Variants in CP observed in about 807,000 individuals in gnomAD.
CP encodes ceruloplasmin, also known as caeruloplasmin.
A neutral mutation model predicts 122.4 loss-of-function variants in CP; 64 were observed. The observed-to-expected ratio is 0.52, with a 90% CI of 0.43 to 0.64. CP has a LOEUF of 0.64. CP is among the 30% of genes least tolerant of loss of function. CP has a pLI of 0.00. For synonymous variants in CP, 440 were observed against 436.4 expected (o/e 1.01, Z -0.10); for missense variants, 1,167 against 1,284.4 (o/e 0.91, Z 1.40).
intron 17 of CP, among the ~76,000 whole-genome samples, chr3:149,177,583 ATCATT>A (rs1725500786): frequency 6.6e-6 from 1 of 152,196 alleles, no homozygotes; most frequent in Non-Finnish European, 1.5e-5. Context: ...GTGCCTACAT[ATCATT>A]TCATTTGCAT....
chr3:149,177,704 G>T, intron 17 of CP, 136 bp downstream of exon 17: 1 of 905,078 alleles, frequency 1.1e-6, no homozygotes, highest in African/African-American at 1.6e-5. Flanking sequence ...ATCCTGGGTG[G>T]GGAATCCACG....
intron 5 of CP, among the ~76,000 whole-genome samples, chr3:149,164,697 G>A (rs555745669): frequency 2.1e-4 from 32 of 152,184 alleles, no homozygotes; most frequent in East Asian, 7.7e-4. Context: ...TAGCAGCTCC[G>A]TTAACCCAAG....
chr3:149,214,176 A>G (rs1728300413), intron 1 of CP, among the ~76,000 whole-genome samples: 2 of 152,156 alleles, frequency 1.3e-5, no homozygotes, highest in Non-Finnish European at 2.9e-5. Context: ...ACCATGAGAC[A>G]GAAAGGTAGA....
chr3:149,193,606 T>C (rs189914083), intron 9 of CP, among the ~76,000 whole-genome samples: 8 of 152,322 alleles, frequency 5.3e-5, no homozygotes, highest in Middle Eastern at 3.4e-3. Flanking sequence ...TAAAATGATA[T>C]TTTTTTAAAA....
At position 149,217,875 on chromosome 3, in the gene CP, G is replaced by C. The variant is rs748593989; in HGVS notation, c.146+3772C>G. On this transcript the variant is annotated intron_variant, in intron 1 of 18. Coordinates refer to ENST00000264613, the MANE Select transcript of CP (RefSeq NM_000096.4). ...TAGTAATTATGATTACCGTAAGGTG[G>C]AATGTTCTTTGTTGTCTAGTTTTTT... is the stretch of plus-strand genomic sequence containing the variant. 4.5e-6 allele frequency: 2 copies of C among 449,192 alleles called. 1 individual carries two copies. The highest frequency in any genetic ancestry group is 3.2e-5 in the South Asian group (2 of 61,550). The allele number at this position is 449,192 out of a possible 1,614,324, so 27.8% of individuals were successfully genotyped here.
In CP at chr3:149,181,976, ACCACCCCCAC is replaced by A; in HGVS notation, c.2554+19_2554+28del. 3.6e-6 allele frequency: 2 copies of A among 561,808 alleles called. No homozygotes were observed. The highest frequency in any genetic ancestry group is 6.7e-6 in the Non-Finnish European group (2 of 299,008). 34.8% of individuals were successfully genotyped at this position (561,808 alleles called of 1,614,324 possible). A position where few individuals can be genotyped will look rare whatever the true frequency, so the allele number is the denominator to read the frequency against. On this transcript the variant is annotated intron_variant, in intron 14 of 18. Transcript: ENST00000264613. ...AAGGCTGTACAGCCTGTTAAAATGC[ACCACCCCCAC>A]CCCCGCCCCCGTGAGTACCTGGTAA...
chr3:149,169,045 G>C (rs1269665641), downstream of CP, among the ~76,000 whole-genome samples: 1 of 152,012 alleles, frequency 6.6e-6, no homozygotes, highest in East Asian at 1.9e-4. Flanking sequence ...ATACGTGTGT[G>C]TGTGTGTGTG....
At chr3:149,221,073 A>C (rs1728777659) in intron 1 of CP, among the ~76,000 whole-genome samples, 1 of 152,190 alleles carries the variant, frequency 6.6e-6, no homozygotes, top group South Asian at 2.1e-4. Context: ...CAAGCATTGT[A>C]CTAAGAGCTT....
intron 6 of CP, among the ~76,000 whole-genome samples, chr3:149,205,960 T>G (rs1424500416): frequency 6.6e-6 from 1 of 152,218 alleles, no homozygotes; most frequent in East Asian, 1.9e-4. Context: ...AAGCATTTGA[T>G]AACTTTTGAA....
intron 9 of CP, among the ~76,000 whole-genome samples, chr3:149,192,764 G>C (rs1184698646): frequency 2.6e-5 from 4 of 151,650 alleles, no homozygotes; most frequent in Non-Finnish European, 5.9e-5. Context: ...CCAAGAAATT[G>C]ACTGAAGAAG....
chr3:149,198,532 G>A lies in CP; in HGVS notation c.1548C>T (p.Thr516=), dbSNP rs184516720. 9.3e-6 allele frequency: 15 copies of A among 1,613,994 alleles called. No individual in the cohort carries two copies. The African/African-American group carries it at 1.6e-4, about 17-fold the overall frequency. ...CTTCTTTGGGGACAGTCCATTCATAGGTGAATGTTTCTGTGGGTGCCACAT... is the reference window on the plus strand; with the variant it reads ...CTTCTTTGGGGACAGTCCATTCATAAGTGAATGTTTCTGTGGGTGCCACAT... ...ASHVAPTETF[T]YEWTVPKEVG... The change falls in exon 9 of 19, where the codon ACC becomes ACT. Residue 516 remains threonine (T), a synonymous_variant. Coordinates refer to ENST00000264613, the MANE Select transcript of CP (RefSeq NM_000096.4).
chr3:149,167,996 T>TC, downstream of CP: 1 of 1,392,372 alleles, frequency 7.2e-7, no homozygotes. Context: ...AAAATGATTT[T>TC]TTTTTTGCTT....
intron 6 of CP, among the ~76,000 whole-genome samples, chr3:149,205,167 G>A (rs921789873): frequency 6.6e-6 from 1 of 150,628 alleles, no homozygotes; most frequent in African/African-American, 2.4e-5. Flanking sequence ...TATCACTTAT[G>A]CTCATTAGGA....
At chr3:149,188,421 GTCTC>G (rs1008022435) in intron 9 of CP, among the ~76,000 whole-genome samples, 1 of 127,326 alleles carries the variant, frequency 7.9e-6, no homozygotes, top group Non-Finnish European at 1.6e-5. Context: ...GGTAATCTGA[GTCTC>G]TCTCTGCATC....
rs1434616553 is a variant in CP at position 149,194,261 on chromosome 3, C to A, written c.1713+4106G>T. ...TTATTTTTTATTTTTTTTTTTGAGA[C>A]AGAGTCTGGCTTTGTCCCCCAGGTT... On this transcript the variant is annotated intron_variant, in intron 9 of 18. Transcript: ENST00000264613. Among the ~76,000 whole-genome samples, 3 of 142,418 alleles carry A rather than the reference C, an allele frequency of 2.1e-5. No individual in the cohort carries two copies. The East Asian group carries it at 6.1e-4, about 29-fold the overall frequency. 93.4% of individuals were successfully genotyped at this position (142,418 alleles called of 152,430 possible). A position where few individuals can be genotyped will look rare whatever the true frequency, so the allele number is the denominator to read the frequency against.
intron 5 of CP, chr3:149,163,712 C>T (rs1336799341): frequency 3.3e-6 from 2 of 598,288 alleles, no homozygotes; most frequent in Non-Finnish European, 6.0e-6. Flanking sequence ...CTTTCCTTCC[C>T]ATTCCCAGGA....
At position 149,185,142 on chromosome 3, in the gene CP, CT is replaced by C. The variant is rs199855004; in HGVS notation, c.2285+96del. The C allele has an allele frequency of 0.042, 34,707 of 830,960 alleles. 722 individuals carry two copies. The highest frequency in any genetic ancestry group is 0.19 in the African/African-American group (11,125 of 58,170). The allele number at this position is 830,960 out of a possible 1,614,324, so 51.5% of individuals were successfully genotyped here. A position where few individuals can be genotyped will look rare whatever the true frequency, so the allele number is the denominator to read the frequency against. On this transcript the variant is annotated intron_variant, in intron 12 of 18. Coordinates refer to ENST00000264613, the MANE Select transcript of CP (RefSeq NM_000096.4). ...TTGTTGTTGTTATTGTTTAATGCAA[CT>C]TTTTTTTTTTTCTAAAATTTGGTGT...
rs113493639 is a variant in CP at position 149,209,869 on chromosome 3, G to A, written c.607+298C>T. Among the ~76,000 whole-genome samples the A allele has an allele frequency of 4.9e-3, 750 of 152,160 alleles. 5 individuals carry two copies. The highest frequency in any genetic ancestry group is 5.8e-3 in the Non-Finnish European group (392 of 67,990). On this transcript the variant is annotated intron_variant, in intron 3 of 18. Coordinates refer to ENST00000264613, the MANE Select transcript of CP (RefSeq NM_000096.4). ...AGTGCCCTTTTGGTAGTCACATTTG[G>A]TAAAGTCATATGTCTCTTCAGCACC...
chr3:149,221,585 G>T, intron 1 of CP, 62 bp downstream of exon 1: 2 of 1,478,718 alleles, frequency 1.4e-6, no homozygotes, highest in Non-Finnish European at 1.8e-6. Flanking sequence ...TCATCTTATT[G>T]GCTCTATCCT....
Sources: allele counts gnomAD v4.1 joint callset (sites outside exome capture counted in the v4.1 genomes callset), GRCh38; gene constraint gnomAD v4.1.1; transcripts MANE v1.5; gene names NCBI Gene and HGNC (gene_info 2026-07-23, HGNC 2026-07-21).